CDH13: variants seen among roughly 807,000 people sequenced by gnomAD.
CDH13 encodes cadherin 13.
In CDH13, 24 loss-of-function variants were observed where a neutral mutation model predicts 63.8. The observed-to-expected ratio is 0.38, with a 90% confidence interval of 0.27 to 0.53. CDH13 has a LOEUF of 0.53. CDH13 is among the 20% of genes least tolerant of loss of function. The probability of loss-of-function intolerance (pLI) is 0.85; values close to 1 mark genes in which losing one functional copy is unlikely to be tolerated. For missense variants in CDH13, 1,049 were observed against 903.1 expected, an observed-to-expected ratio of 1.16 and a Z score of -2.07; for synonymous variants, 503 against 355.3, an observed-to-expected ratio of 1.42 and a Z score of -4.67.
intron 3 of CDH13, among the ~76,000 whole-genome samples, chr16:83,053,056 G>A (rs560507991): frequency 6.6e-6 from 1 of 152,164 alleles, no homozygotes; most frequent in East Asian, 1.9e-4. Flanking sequence ...GGTGAAATGG[G>A]AATAAAAATA....
Position 83,514,943 on chromosome 16 carries a change from C to G in CDH13, c.960+28288C>G, listed in dbSNP as rs77957880. 4.2e-3 allele frequency among the ~76,000 whole-genome samples: 646 copies of G among 152,220 alleles called. 8 individuals carry two copies. Among genetic ancestry groups the G allele is most frequent in the African/African-American group, 0.015 (625 of 41,548 alleles). ...TTTGTGACGTGTAGTTACTGCAGCT[C>G]CTGGACACTGAGATGCCCCTGTTTC... On this transcript the variant is annotated intron_variant, in intron 7 of 13. Transcript: ENST00000567109.
At chr16:83,670,591 G>C (rs1914411458) in intron 8 of CDH13, among the ~76,000 whole-genome samples, 199 bp from the exon 9 acceptor site, 1 of 152,230 alleles carries the variant, frequency 6.6e-6, no homozygotes, top group African/African-American at 2.4e-5. Flanking sequence ...ACATTCTGCA[G>C]GAGAGAAGTT....
At chr16:83,259,417 C>G (rs1906691065) in intron 5 of CDH13, among the ~76,000 whole-genome samples, 1 of 152,126 alleles carries the variant, frequency 6.6e-6, no homozygotes, top group Non-Finnish European at 1.5e-5. Flanking sequence ...AGAACAGCCC[C>G]TCAGGTATGG....
chr16:83,366,082 C>A (rs1453360798), intron 6 of CDH13, among the ~76,000 whole-genome samples: 1 of 152,132 alleles, frequency 6.6e-6, no homozygotes, highest in African/African-American at 2.4e-5. Context: ...AAAACTAATA[C>A]AGAATGTGGT....
chr16:83,715,367 C>G (rs536673549), intron 10 of CDH13, among the ~76,000 whole-genome samples: 47 of 152,310 alleles, frequency 3.1e-4, no homozygotes, highest in African/African-American at 1.1e-3. Context: ...TCCTCACTGA[C>G]CTTACCCTGG....
At chr16:82,751,938 A>G (rs1286155228) in intron 1 of CDH13, among the ~76,000 whole-genome samples, 1 of 152,192 alleles carries the variant, frequency 6.6e-6, no homozygotes, top group Non-Finnish European at 1.5e-5. Context: ...TAACTGACGA[A>G]TTTATCGGTT....
intron 6 of CDH13, among the ~76,000 whole-genome samples, chr16:83,375,717 G>A (rs376782348): frequency 4.3e-4 from 66 of 152,280 alleles, no homozygotes; most frequent in African/African-American, 1.6e-3. Context: ...GAAAGTGATT[G>A]GTAATCTGAG....
At chr16:83,080,966 C>G (rs969460328) in intron 3 of CDH13, among the ~76,000 whole-genome samples, 5 of 139,074 alleles carry the variant, frequency 3.6e-5, no homozygotes, top group African/African-American at 1.3e-4. Flanking sequence ...ACCGCAACCT[C>G]TGCCTCCCAG....
intron 5 of CDH13, among the ~76,000 whole-genome samples, chr16:83,313,022 G>A (rs1009813238): frequency 2.6e-4 from 39 of 152,212 alleles, no homozygotes; most frequent in Admixed American, 2.4e-3. Flanking sequence ...TTCTACAAGT[G>A]CATGGGGAAT....
chr16:83,037,458 A>G (rs1216761023), intron 3 of CDH13, among the ~76,000 whole-genome samples: 1 of 152,210 alleles, frequency 6.6e-6, no homozygotes, highest in Non-Finnish European at 1.5e-5. Flanking sequence ...TTAGAGCAAC[A>G]TGGGAGCAAT....
At chr16:83,150,444 C>G (rs140671706) in intron 4 of CDH13, among the ~76,000 whole-genome samples, 9 of 152,212 alleles carry the variant, frequency 5.9e-5, no homozygotes, top group African/African-American at 2.2e-4. Context: ...CTGGCTTTTT[C>G]TTATGCTGCT....
At chr16:83,779,275 C>T (rs1414116531) in intron 11 of CDH13, among the ~76,000 whole-genome samples, 1 of 151,688 alleles carries the variant, frequency 6.6e-6, no homozygotes, top group African/African-American at 2.4e-5. Flanking sequence ...GGCATGATGG[C>T]AGGTGCCTGT....
At chr16:83,032,351 A>C in intron 3 of CDH13, 133 bp downstream of exon 3, 1 of 704,516 alleles carries the variant, frequency 1.4e-6, no homozygotes, top group Non-Finnish European at 2.3e-6. Flanking sequence ...AATGACAGAA[A>C]TCCAACTCTA....
chr16:83,568,018 A>T (rs567349323), intron 7 of CDH13, among the ~76,000 whole-genome samples: 64 of 152,200 alleles, frequency 4.2e-4, no homozygotes, highest in Non-Finnish European at 7.1e-4. Context: ...ACACCTCATT[A>T]CTTCACCTCC....
At chr16:83,121,788 G>A (rs1597374286) in intron 3 of CDH13, among the ~76,000 whole-genome samples, 3 of 152,168 alleles carry the variant, frequency 2.0e-5, no homozygotes, top group African/African-American at 4.8e-5. Flanking sequence ...GAAGGGATAT[G>A]TGCATTCATA....
intron 13 of CDH13, among the ~76,000 whole-genome samples, chr16:83,789,456 C>T (rs1916114258): frequency 6.6e-6 from 1 of 151,422 alleles, no homozygotes; most frequent in Non-Finnish European, 1.5e-5. Context: ...AAGTGATTCT[C>T]CTGCCTCAGC....
chr16:82,959,700 G>A (rs1906668321), intron 2 of CDH13, among the ~76,000 whole-genome samples: 1 of 152,146 alleles, frequency 6.6e-6, no homozygotes, highest in South Asian at 2.1e-4. Context: ...AATTCCACCT[G>A]CATAGGTTCT....
intron 6 of CDH13, 69 bp from the exon 7 acceptor site, chr16:83,486,408 G>A (rs969480972): frequency 1.4e-6 from 2 of 1,391,956 alleles, no homozygotes; most frequent in African/African-American, 1.4e-5. Context: ...TTGCCCAGGT[G>A]GGGAAGGGGC....
intron 1 of CDH13, among the ~76,000 whole-genome samples, chr16:82,657,165 C>T (rs1332875390): frequency 1.4e-5 from 2 of 146,778 alleles, no homozygotes; most frequent in Non-Finnish European, 3.0e-5. Flanking sequence ...CCAAGCCCTA[C>T]ATACATTATG....
Sources: gnomAD v4.1 joint callset for allele counts (sites outside exome capture counted in the v4.1 genomes callset) on GRCh38, gnomAD v4.1.1 for gene constraint, MANE v1.5 for transcripts, NCBI Gene and HGNC (gene_info 2026-07-23, HGNC 2026-07-21) for gene names.